Variants in HFM1 observed in about 807,000 individuals in gnomAD.
HFM1 encodes the protein helicase for meiosis 1.
In HFM1, 169 loss-of-function variants were observed where a neutral mutation model predicts 192.1. That is an observed-to-expected ratio of 0.88 (90% CI 0.78 to 1.00). The LOEUF (loss-of-function observed/expected upper bound fraction) is 1.00. Ranked by LOEUF, HFM1 falls within the 50% of genes least tolerant of loss-of-function variation. The pLI is 0.00. For missense variants in HFM1, 1,661 were observed against 1,668.0 expected (o/e 1.00, Z 0.07); for synonymous variants, 525 against 537.8 (o/e 0.98, Z 0.33).
chr1:91,350,178 C>T (rs1226454772), intron 18 of HFM1, among the ~76,000 whole-genome samples: 1 of 151,936 alleles, frequency 6.6e-6, no homozygotes, highest in Non-Finnish European at 1.5e-5. Flanking sequence ...AAGTTTTGAA[C>T]CTCTGTACAT....
chr1:91,294,092 T>A, intron 30 of HFM1, among the ~76,000 whole-genome samples: 1 of 150,874 alleles, frequency 6.6e-6, no homozygotes. Context: ...GAGATATACC[T>A]AATGCTAGAT....
rs7413671 is a variant in HFM1, at chr1:91,298,569, T to A, written c.3391+14780A>T. ...TGGGTTACCCACAAAGGGAAATCCATCAGACTAACAGCTGATCTCTTGGCA... is the reference window on the plus strand; with the variant it reads ...TGGGTTACCCACAAAGGGAAATCCAACAGACTAACAGCTGATCTCTTGGCA... On this transcript the variant is annotated intron_variant, in intron 30 of 38. Transcript: ENST00000370425. Among the ~76,000 whole-genome samples, 1,005 of 152,278 alleles carry A rather than the reference T, an allele frequency of 6.6e-3. 16 individuals are homozygous for A. The highest frequency in any genetic ancestry group is 0.023 in the African/African-American group (948 of 41,548).
chr1:91,386,776 G>A (rs994008319), intron 4 of HFM1, among the ~76,000 whole-genome samples: 3 of 152,138 alleles, frequency 2.0e-5, no homozygotes, highest in African/African-American at 7.2e-5. Context: ...ATAGGAATAA[G>A]TTAACAGACT....
At chr1:91,326,247 CA>C (rs1004659872) in intron 20 of HFM1, among the ~76,000 whole-genome samples, 19 of 152,078 alleles carry the variant, frequency 1.2e-4, no homozygotes, top group Non-Finnish European at 2.9e-5. Flanking sequence ...AAGATATCAA[CA>C]TTCAAGTAAA....
At chr1:91,334,573 G>C (rs1654301336) in intron 20 of HFM1, among the ~76,000 whole-genome samples, 1 of 152,102 alleles carries the variant, frequency 6.6e-6, no homozygotes, top group Non-Finnish European at 1.5e-5. Context: ...CAGCAGATTG[G>C]TTGTGGGTAG....
At chr1:91,400,480 C>CTTTTTTTTTT (rs112090967) in intron 2 of HFM1, among the ~76,000 whole-genome samples, 8 of 139,062 alleles carry the variant, frequency 5.8e-5, no homozygotes, top group Non-Finnish European at 4.7e-5. Flanking sequence ...AGGCAAGAAT[C>CTTTTTTTTTT]TTTTTTTTTT....
chr1:91,289,235 G>A lies in HFM1; in HGVS notation c.3392-12173C>T, dbSNP rs536699243. On this transcript the variant is annotated intron_variant, in intron 30 of 38. Transcript: ENST00000370425. ...TCAGTTCCAAGACGGGGTCGCGGCC[G>A]GACAGAGGCGCTCTTCACATCTCAG... 2.7e-3 allele frequency among the ~76,000 whole-genome samples: 412 copies of A among 151,594 alleles called. 3 individuals are homozygous for A. The highest frequency in any genetic ancestry group is 3.7e-3 in the Non-Finnish European group (252 of 67,862).
In HFM1 at chr1:91,274,782, C is replaced by G. The variant is rs748253423; in HGVS notation, c.3616G>C (p.Asp1206His). 2 of 1,573,154 alleles carry G rather than the reference C, an allele frequency of 1.3e-6. No homozygotes were observed. Among genetic ancestry groups the G allele is most frequent in the Non-Finnish European group, 1.7e-6 (2 of 1,145,648 alleles). The stretch of plus-strand genomic sequence containing the variant: ...GGAGTAAAACCAAACTCTTTAAGGT[C>G]CACACTTTGAGATTTATTCATCTGT... ...KIQMNKSQSVDLKEFGFTPKP... is the reference protein window; with the variant it reads ...KIQMNKSQSVHLKEFGFTPKP... Residue 1206 changes from aspartate to histidine, a missense_variant, in exon 33 of 39, where the codon GAC (aspartate) becomes CAC (histidine). By Grantham distance (81) the Asp-to-His change is moderately conservative (BLOSUM62 -1). Coordinates refer to ENST00000370425, the MANE Select transcript of HFM1 (RefSeq NM_001017975.6).
chr1:91,318,094 A>T (rs1007344402), intron 25 of HFM1, among the ~76,000 whole-genome samples: 1 of 152,090 alleles, frequency 6.6e-6, no homozygotes, highest in Admixed American at 6.6e-5. Context: ...GTTGTATGGA[A>T]CCACCTTTCC....
chr1:91,348,228 A>G (rs1184898107), intron 18 of HFM1, among the ~76,000 whole-genome samples: 1 of 152,198 alleles, frequency 6.6e-6, no homozygotes, highest in Non-Finnish European at 1.5e-5. Flanking sequence ...AACTACAGAA[A>G]ATAAAGTAAC....
intron 23 of HFM1, among the ~76,000 whole-genome samples, chr1:91,320,930 A>ATCAATGG (rs973805858): frequency 2.0e-5 from 3 of 152,062 alleles, no homozygotes; most frequent in Non-Finnish European, 4.4e-5. Flanking sequence ...TTCGGTTAGA[A>ATCAATGG]TTACGTTCAT....
intron 8 of HFM1, among the ~76,000 whole-genome samples, 175 bp downstream of exon 8, chr1:91,379,929 A>C (rs957299979): frequency 6.6e-6 from 1 of 152,138 alleles, no homozygotes; most frequent in African/African-American, 2.4e-5. Flanking sequence ...ATTACTTTTT[A>C]TTTATAATTT....
chr1:91,322,628 C>T (rs1286539270), intron 23 of HFM1, among the ~76,000 whole-genome samples: 1 of 152,164 alleles, frequency 6.6e-6, no homozygotes, highest in African/African-American at 2.4e-5. Flanking sequence ...ACATTTATTA[C>T]ACAGGTTTTC....
chr1:91,293,435 A>G (rs1368015716), intron 30 of HFM1, among the ~76,000 whole-genome samples: 16 of 152,236 alleles, frequency 1.1e-4, no homozygotes, highest in Admixed American at 3.9e-4. Context: ...GCAGCCAAAA[A>G]ACACATGAAA....
At position 91,305,233 on chromosome 1, in the gene HFM1, T is replaced by G. The variant is rs12071416; in HGVS notation, c.3391+8116A>C. ...TACAGCTAGGATTTTGATACAGACT[T>G]TGTTGAATTTATGAATTAATATGAG... On this transcript the variant is annotated intron_variant, in intron 30 of 38. Coordinates refer to ENST00000370425, the MANE Select transcript of HFM1 (RefSeq NM_001017975.6). Among the ~76,000 whole-genome samples the G allele has an allele frequency of 4.7e-3, 723 of 152,330 alleles. 8 individuals are homozygous for G. Among genetic ancestry groups the G allele is most frequent in the African/African-American group, 0.017 (696 of 41,574 alleles).
chr1:91,283,100 C>A (rs1433869878), intron 30 of HFM1, among the ~76,000 whole-genome samples: 1 of 152,076 alleles, frequency 6.6e-6, no homozygotes, highest in Non-Finnish European at 1.5e-5. Flanking sequence ...ATTTTTGTTA[C>A]GAATGGTACT....
intron 30 of HFM1, among the ~76,000 whole-genome samples, chr1:91,287,822 G>A (rs1668197341): frequency 6.6e-6 from 1 of 152,004 alleles, no homozygotes. Context: ...GCTTAAAGGA[G>A]CTGATGGAGC....
chr1:91,321,624 CA>C (rs1302489582), intron 23 of HFM1, among the ~76,000 whole-genome samples: 1 of 151,986 alleles, frequency 6.6e-6, no homozygotes, highest in African/African-American at 2.4e-5. Context: ...CATCACCTAC[CA>C]AAAGACTATA....
At chr1:91,388,853 G>GT (rs1264407547) in intron 4 of HFM1, among the ~76,000 whole-genome samples, 1 of 152,048 alleles carries the variant, frequency 6.6e-6, no homozygotes, top group Non-Finnish European at 1.5e-5. Context: ...TCAAAAAAGT[G>GT]AAAACCCACA....
Sources: gnomAD v4.1 joint callset for allele counts (sites outside exome capture counted in the v4.1 genomes callset) on GRCh38, gnomAD v4.1.1 for gene constraint, MANE v1.5 for transcripts, NCBI Gene and HGNC (gene_info 2026-07-23, HGNC 2026-07-21) for gene names.